The following ACOXL variants were observed in gnomAD, a reference collection of about 807,000 sequenced individuals.
The protein encoded by ACOXL is acyl-CoA oxidase like.
Under a neutral mutation model 71.9 loss-of-function variants are expected in ACOXL, and 70 were observed. The observed-to-expected ratio is 0.97, with a 90% CI of 0.80 to 1.19. The LOEUF (loss-of-function observed/expected upper bound fraction) is 1.19. ACOXL is among the 50% of genes most tolerant of loss of function. The probability of loss-of-function intolerance (pLI) is 0.00; values close to 1 mark genes in which losing one functional copy is unlikely to be tolerated. For missense variants in ACOXL, 703 were observed against 736.3 expected (o/e 0.95, Z 0.52); for synonymous variants, 253 against 281.6 (o/e 0.90, Z 1.02).
chr2:110,769,431 G>C (rs1351130433), intron 2 of ACOXL, among the ~76,000 whole-genome samples: 1 of 151,978 alleles, frequency 6.6e-6, no homozygotes, highest in Non-Finnish European at 1.5e-5. Flanking sequence ...CTGATACTGG[G>C]TAGAGCCCAG....
At chr2:110,840,546 C>G (rs1366827477) in intron 9 of ACOXL, among the ~76,000 whole-genome samples, 2 of 152,222 alleles carry the variant, frequency 1.3e-5, no homozygotes, top group African/African-American at 4.8e-5. Flanking sequence ...AATTAAGGCT[C>G]TGACAGTTTC....
At chr2:110,868,861 G>C (rs1694934504) in intron 10 of ACOXL, among the ~76,000 whole-genome samples, 1 of 152,312 alleles carries the variant, frequency 6.6e-6, no homozygotes, top group South Asian at 2.1e-4. Flanking sequence ...AATGTGTTGG[G>C]ATTGCAGGCG....
chr2:110,834,650 A>C (rs1690234791), intron 9 of ACOXL, among the ~76,000 whole-genome samples: 1 of 152,208 alleles, frequency 6.6e-6, no homozygotes, highest in South Asian at 2.1e-4. Context: ...ATGTTCCTAA[A>C]GCCCATAACC....
At chr2:110,862,942 C>T (rs1157117386) in intron 10 of ACOXL, among the ~76,000 whole-genome samples, 2 of 152,236 alleles carry the variant, frequency 1.3e-5, no homozygotes, top group African/African-American at 4.8e-5. Flanking sequence ...ACCTTCAATG[C>T]ACCCACATTC....
intron 17 of ACOXL, chr2:111,099,299 A>G (rs529966136): frequency 5.9e-5 from 9 of 152,326 alleles, no homozygotes; most frequent in African/African-American, 2.2e-4. Flanking sequence ...TCAGATAACT[A>G]ATGCCTATTC....
intron 3 of ACOXL, among the ~76,000 whole-genome samples, chr2:110,788,811 G>A (rs1214587422): frequency 6.6e-6 from 1 of 152,200 alleles, no homozygotes; most frequent in African/African-American, 2.4e-5. Context: ...GAGGACCATG[G>A]CTGTCTTTTC....
intron 12 of ACOXL, among the ~76,000 whole-genome samples, chr2:110,956,092 C>T (rs572726538): frequency 2.0e-4 from 31 of 152,140 alleles, no homozygotes; most frequent in African/African-American, 6.5e-4. Flanking sequence ...AGTGCTACTA[C>T]GTCCGGCTAA....
rs777604370 is a variant in ACOXL at position 110,963,595 on chromosome 2, GTGTGTGTGTT to G, written c.1060-23511_1060-23502del. On this transcript the variant is annotated intron_variant, in intron 12 of 17. Coordinates refer to ENST00000439055, the MANE Select transcript of ACOXL (RefSeq NM_001142807.4). ...TGTGTGTGTGTGTGTGTGTGTGTGT[GTGTGTGTGTT>G]TTTCTCTTTCTGCAACAGGGTTACA... 782 of 1,277,032 alleles carry G rather than the reference GTGTGTGTGTT, an allele frequency of 6.1e-4. 3 individuals carry two copies. The East Asian group carries it at 0.034, about 56-fold the overall frequency. The allele number at this position is 1,277,032 out of a possible 1,614,324, so 79.1% of individuals were successfully genotyped here. A position where few individuals can be genotyped will look rare whatever the true frequency, so the allele number is the denominator to read the frequency against.
At chr2:110,806,952 C>T (rs2105375772) in intron 9 of ACOXL, among the ~76,000 whole-genome samples, 1 of 152,134 alleles carries the variant, frequency 6.6e-6, no homozygotes, top group East Asian at 1.9e-4. Context: ...TTAAATATCA[C>T]CAGATCTGGA....
At chr2:110,911,073 A>G (rs2059634289) in intron 11 of ACOXL, among the ~76,000 whole-genome samples, 1 of 152,170 alleles carries the variant, frequency 6.6e-6, no homozygotes, top group African/African-American at 2.4e-5. Flanking sequence ...AGAAATAAAA[A>G]GGAATATAAG....
At chr2:111,081,959 T>G (rs1292087149) in intron 16 of ACOXL, among the ~76,000 whole-genome samples, 1 of 152,180 alleles carries the variant, frequency 6.6e-6, no homozygotes, top group Non-Finnish European at 1.5e-5. Flanking sequence ...TTAGGAAAAC[T>G]GGCTAGCCCA....
chr2:110,993,404 G>C (rs2149581731), intron 13 of ACOXL, among the ~76,000 whole-genome samples: 1 of 152,256 alleles, frequency 6.6e-6, no homozygotes, highest in Middle Eastern at 3.4e-3. Context: ...GTACTCTTTT[G>C]TAGCTGCCTC....
At chr2:111,002,240 A>G (rs2149623465) in intron 14 of ACOXL, among the ~76,000 whole-genome samples, 1 of 150,032 alleles carries the variant, frequency 6.7e-6, no homozygotes, top group East Asian at 1.9e-4. Flanking sequence ...CCTAACTCTC[A>G]TAGACTGTGA....
intron 1 of ACOXL, among the ~76,000 whole-genome samples, chr2:110,756,113 C>T (rs950116520): frequency 1.3e-5 from 2 of 151,730 alleles, no homozygotes; most frequent in African/African-American, 2.4e-5. Flanking sequence ...TTAGTAATAG[C>T]CCACTTTTCT....
chr2:110,937,332 A>G (rs1421072527), intron 12 of ACOXL, among the ~76,000 whole-genome samples: 4 of 152,146 alleles, frequency 2.6e-5, no homozygotes, highest in African/African-American at 9.7e-5. Flanking sequence ...ACTCTGTGTC[A>G]GGAACTGGGG....
chr2:110,751,520 A>G (rs1678963298), intron 1 of ACOXL, among the ~76,000 whole-genome samples: 1 of 152,114 alleles, frequency 6.6e-6, no homozygotes, highest in African/African-American at 2.4e-5. Context: ...TTCCCCCTAA[A>G]TAACTCAGTG....
intron 9 of ACOXL, among the ~76,000 whole-genome samples, chr2:110,833,849 GT>G (rs1446865417): frequency 3.3e-5 from 5 of 152,082 alleles, no homozygotes; most frequent in Admixed American, 1.3e-4. Context: ...GAGAAAAAGT[GT>G]TTTCCTGTCT....
At position 110,824,277 on chromosome 2, in the gene ACOXL, A is replaced by G. The variant is rs187891786; in HGVS notation, c.754-17094A>G. 7.9e-5 allele frequency among the ~76,000 whole-genome samples: 12 copies of G among 152,334 alleles called. No individual in the cohort carries two copies. The East Asian group carries it at 1.3e-3, about 17-fold the overall frequency. ...GTCTTGATTACTATCATCTTGAAAT[A>G]ATCTAATGTGAATCCTTCAACTTTG... On this transcript the variant is annotated intron_variant, in intron 9 of 17. Transcript: ENST00000439055.
intron 10 of ACOXL, among the ~76,000 whole-genome samples, chr2:110,891,080 TA>T (rs1697879430): frequency 6.6e-5 from 10 of 152,146 alleles, no homozygotes; most frequent in Admixed American, 6.5e-4. Context: ...TGTTCATTAT[TA>T]GTATATAGAA....
Sources: gnomAD v4.1 joint callset for allele counts (sites outside exome capture counted in the v4.1 genomes callset) on GRCh38, gnomAD v4.1.1 for gene constraint, MANE v1.5 for transcripts, NCBI Gene and HGNC (gene_info 2026-07-23, HGNC 2026-07-21) for gene names.